PRR5L: variants seen among roughly 807,000 people sequenced by gnomAD.
PRR5L encodes the protein proline-rich protein 5-like.
In PRR5L, 21 loss-of-function variants were observed where a neutral mutation model predicts 36.4. The ratio of observed to expected loss-of-function variants is 0.58; its 90% CI spans 0.41 to 0.83. The LOEUF (loss-of-function observed/expected upper bound fraction) is 0.83. Ranked by LOEUF, PRR5L falls within the 40% of genes least tolerant of loss-of-function variation. PRR5L has a pLI of 0.00. For missense variants in PRR5L, 381 were observed against 473.3 expected (o/e 0.80, Z 1.81); for synonymous variants, 188 against 197.0 (o/e 0.95, Z 0.38).
At chr11:36,376,476 C>G (rs1232775785) in intron 1 of PRR5L, 1 of 1,098,342 alleles carries the variant, frequency 9.1e-7, no homozygotes, top group Non-Finnish European at 1.1e-6. Context: ...GGAACCGAGG[C>G]TGGACGGGAC....
At chr11:36,352,215 A>G (rs534210777) in intron 1 of PRR5L, among the ~76,000 whole-genome samples, 74 of 152,058 alleles carry the variant, frequency 4.9e-4, no homozygotes, top group Non-Finnish European at 9.3e-4. Context: ...TTTGTTGGCC[A>G]TTTGTATATC....
intron 1 of PRR5L, among the ~76,000 whole-genome samples, chr11:36,342,496 G>A (rs952124078): frequency 5.3e-5 from 8 of 152,160 alleles, no homozygotes; most frequent in Non-Finnish European, 1.0e-4. Context: ...GTAAGACATG[G>A]GTGGTATTCC....
chr11:36,449,766 A>G (rs1044620309), intron 7 of PRR5L, among the ~76,000 whole-genome samples: 12 of 152,244 alleles, frequency 7.9e-5, no homozygotes, highest in African/African-American at 2.4e-4. Context: ...TTGGCAGCCA[A>G]GCCAAGGGCT....
chr11:36,318,207 G>A (rs1856577505), intron 1 of PRR5L, among the ~76,000 whole-genome samples: 1 of 152,118 alleles, frequency 6.6e-6, no homozygotes, highest in African/African-American at 2.4e-5. Flanking sequence ...TTTGTATCAG[G>A]TACATTCTGT....
chr11:36,401,888 A>T (rs1477771444), intron 2 of PRR5L, among the ~76,000 whole-genome samples: 2 of 152,218 alleles, frequency 1.3e-5, no homozygotes, highest in Non-Finnish European at 2.9e-5. Flanking sequence ...CATGCTCATT[A>T]GTCACACCTG....
At chr11:36,311,337 T>C (rs1590430306) in intron 1 of PRR5L, among the ~76,000 whole-genome samples, 2 of 152,140 alleles carry the variant, frequency 1.3e-5, no homozygotes, top group Non-Finnish European at 2.9e-5. Flanking sequence ...CAGGCAAGCA[T>C]TTCTGGCTTG....
intron 1 of PRR5L, among the ~76,000 whole-genome samples, chr11:36,312,394 C>T (rs1045437570): frequency 6.6e-5 from 10 of 152,206 alleles, no homozygotes; most frequent in African/African-American, 2.2e-4. Context: ...ATCACCATCT[C>T]CATCTGTTAA....
chr11:36,453,238 G>A (rs1355134483), intron 8 of PRR5L, among the ~76,000 whole-genome samples: 1 of 152,206 alleles, frequency 6.6e-6, no homozygotes, highest in African/African-American at 2.4e-5. Flanking sequence ...GCAAATAGAG[G>A]GAGGACAGAG....
intron 4 of PRR5L, among the ~76,000 whole-genome samples, chr11:36,421,471 CA>C (rs1858264388): frequency 6.6e-6 from 1 of 152,136 alleles, no homozygotes; most frequent in Non-Finnish European, 1.5e-5. Flanking sequence ...CTAGTTTTCA[CA>C]GTTTTAAATC....
At chr11:36,335,868 G>A (rs576455201) in intron 1 of PRR5L, among the ~76,000 whole-genome samples, 2 of 152,204 alleles carry the variant, frequency 1.3e-5, no homozygotes, top group Admixed American at 6.5e-5. Context: ...CATTTACAAA[G>A]CTTTGCCGCA....
chr11:36,383,407 C>G lies in PRR5L; in HGVS notation c.-125-17590C>G, dbSNP rs879854144. On this transcript the variant is annotated intron_variant, in intron 1 of 8. Coordinates refer to ENST00000530639, the MANE Select transcript of PRR5L (RefSeq NM_001160167.2). ...CCATGCCAGTCTCAAACTGGCAGCC[C>G]GTGGGCCAAACTTTGGCATCAGACA... 7.9e-5 allele frequency among the ~76,000 whole-genome samples: 12 copies of G among 152,288 alleles called. No individual in the cohort carries two copies. In the East Asian group the frequency reaches 1.2e-3, roughly 15 times the overall value.
chr11:36,335,405 A>AGT (rs72292324), intron 1 of PRR5L, among the ~76,000 whole-genome samples: 7 of 87,908 alleles, frequency 8.0e-5, no homozygotes, highest in South Asian at 3.5e-4. Flanking sequence ...CTTGGGTGGC[A>AGT]GTGTGTGTGT....
intron 1 of PRR5L, among the ~76,000 whole-genome samples, chr11:36,374,169 C>G (rs1857229676): frequency 6.6e-6 from 1 of 151,242 alleles, no homozygotes; most frequent in African/African-American, 2.4e-5. Flanking sequence ...GTGCAGTGCT[C>G]ACTATATCCT....
chr11:36,462,459 G>A lies in PRR5L; in HGVS notation c.830G>A (p.Gly277Glu). ...TTGACCCCACTGACAGAGCAGGAGG[G>A]GGAAGCCTACCTGGAGAAGTGTGGC... Reference protein sequence around the residue: ...MVLTPLTEQEGEAYLEKCGSV... With the variant: ...MVLTPLTEQEEEAYLEKCGSV... Residue 277 changes from glycine to glutamate, a missense_variant, in exon 9 of 9, where the codon GGG (glycine) becomes GAG (glutamate). Transcript: ENST00000530639. 1.2e-6 allele frequency: 2 copies of A among 1,607,966 alleles called. No homozygotes were observed. Among genetic ancestry groups the A allele is most frequent in the Non-Finnish European group, 1.7e-6 (2 of 1,176,728 alleles).
chr11:36,445,275 G>C (rs1050112211), intron 6 of PRR5L, among the ~76,000 whole-genome samples: 11 of 152,164 alleles, frequency 7.2e-5, no homozygotes, highest in Non-Finnish European at 7.4e-5. Flanking sequence ...CTTTTAGTGT[G>C]CATTTGTATG....
chr11:36,428,678 G>C (rs1359831126), intron 4 of PRR5L, among the ~76,000 whole-genome samples: 2 of 152,156 alleles, frequency 1.3e-5, no homozygotes, highest in Non-Finnish European at 2.9e-5. Context: ...TTTTGGAGAG[G>C]GAGACCCTAC....
intron 1 of PRR5L, among the ~76,000 whole-genome samples, chr11:36,328,096 T>C (rs777504284): frequency 1.8e-4 from 28 of 152,198 alleles, no homozygotes; most frequent in Non-Finnish European, 4.1e-4. Flanking sequence ...AGATTAGCAA[T>C]ATTCATGTAT....
chr11:36,402,594 G>C (rs1857820653), intron 2 of PRR5L, among the ~76,000 whole-genome samples: 1 of 152,234 alleles, frequency 6.6e-6, no homozygotes, highest in African/African-American at 2.4e-5. Flanking sequence ...TCTGATGATA[G>C]GGATGGAGAG....
At chr11:36,313,826 T>G (rs560809965) in intron 1 of PRR5L, among the ~76,000 whole-genome samples, 6 of 152,320 alleles carry the variant, frequency 3.9e-5, no homozygotes, top group African/African-American at 1.4e-4. Flanking sequence ...TAGAAGGCAC[T>G]GCAATTACTG....
Sources: gnomAD v4.1 joint callset for allele counts (sites outside exome capture counted in the v4.1 genomes callset) on GRCh38, gnomAD v4.1.1 for gene constraint, MANE v1.5 for transcripts, NCBI Gene and HGNC (gene_info 2026-07-23, HGNC 2026-07-21) for gene names.